VKORC1L1: variants seen among roughly 807,000 people sequenced by gnomAD.
VKORC1L1 encodes the protein vitamin K epoxide reductase complex subunit 1L1, also known as vitamin K epoxide reductase complex subunit 1-like protein 1.
In VKORC1L1, 2 loss-of-function variants were observed where a neutral mutation model predicts 18.9. The observed-to-expected ratio is 0.11, with a 90% CI of 0.04 to 0.33. The LOEUF is 0.33. Among genes scored for constraint, VKORC1L1 ranks in the 10% least tolerant of loss-of-function variants. The probability of loss-of-function intolerance (pLI) is 1.00; values close to 1 mark genes in which losing one functional copy is unlikely to be tolerated. For missense variants in VKORC1L1, 123 were observed against 224.1 expected (o/e 0.55, Z 2.88); for synonymous variants, 96 against 100.0 (o/e 0.96, Z 0.24).
At chr7:65,881,748 T>C (rs1284920381) in intron 1 of VKORC1L1, among the ~76,000 whole-genome samples, 1 of 152,200 alleles carries the variant, frequency 6.6e-6, no homozygotes. Flanking sequence ...TGTGTACTTT[T>C]TTGTAAATTC....
Position 65,954,070 on chromosome 7 carries a change from A to C in VKORC1L1, c.305-4A>C. On this transcript the variant is annotated splice_region_variant and splice_polypyrimidine_tract_variant and intron_variant, in intron 2 of 2. Transcript: ENST00000360768. Reference sequence around the variant, plus strand: ...TGACTGAGCCTGCGTCTCTTCTCTTACAGGCATGACAGCAAGCGCTGTGGC... The same window carrying C: ...TGACTGAGCCTGCGTCTCTTCTCTTCCAGGCATGACAGCAAGCGCTGTGGC... The C allele has an allele frequency of 6.3e-7, 1 of 1,590,116 alleles. No individual in the cohort carries two copies. Among genetic ancestry groups the C allele is most frequent in the East Asian group, 2.3e-5 (1 of 44,368 alleles).
intron 1 of VKORC1L1, among the ~76,000 whole-genome samples, chr7:65,888,140 G>A (rs1291324316): frequency 6.6e-6 from 1 of 152,162 alleles, no homozygotes; most frequent in Non-Finnish European, 1.5e-5. Context: ...TAGAAATTGA[G>A]AAATTACAGT....
intron 1 of VKORC1L1, among the ~76,000 whole-genome samples, chr7:65,895,447 CTGTGAG>C (rs1252556870): frequency 2.5e-5 from 2 of 78,940 alleles, no homozygotes; most frequent in Non-Finnish European, 4.4e-5. Context: ...GAAATGCCAT[CTGTGAG>C]AAAAAAAAAA....
At chr7:65,872,767 G>T (rs1788741933), upstream of VKORC1L1, among the ~76,000 whole-genome samples, 1 of 152,028 alleles carries the variant, frequency 6.6e-6, no homozygotes, top group African/African-American at 2.4e-5. Flanking sequence ...TCCAAGCATT[G>T]GCCAGGGTTG....
In VKORC1L1 at chr7:65,933,107, C is replaced by T. The variant is rs531676814; in HGVS notation, c.195-15564C>T. On this transcript the variant is annotated intron_variant, in intron 1 of 2. Transcript: ENST00000360768. The stretch of plus-strand genomic sequence containing the variant: ...AAAAAAAAAAAAAAAAAAAGTGTGT[C>T]GGCTGTTGTTGGGCAGAATATTTTG... 1.5e-3 allele frequency among the ~76,000 whole-genome samples: 219 copies of T among 144,524 alleles called. 1 individual carries two copies. The highest frequency in any genetic ancestry group is 5.3e-3 in the African/African-American group (212 of 39,666). 94.8% of individuals were successfully genotyped at this position (144,524 alleles called of 152,430 possible). A position where few individuals can be genotyped will look rare whatever the true frequency, so the allele number is the denominator to read the frequency against.
chr7:65,874,768 T>G (rs1172429598), intron 1 of VKORC1L1, among the ~76,000 whole-genome samples: 7 of 152,014 alleles, frequency 4.6e-5, no homozygotes, highest in Non-Finnish European at 1.0e-4. Flanking sequence ...ACCACACCAT[T>G]GCACCCCAGC....
chr7:65,906,844 G>T (rs1445433481), intron 1 of VKORC1L1, among the ~76,000 whole-genome samples: 1 of 152,062 alleles, frequency 6.6e-6, no homozygotes, highest in Non-Finnish European at 1.5e-5. Flanking sequence ...TTTCATTTTG[G>T]GGCCATAGGA....
chr7:65,875,487 G>C lies in VKORC1L1; in HGVS notation c.194+1922G>C, dbSNP rs531749156. The stretch of plus-strand genomic sequence containing the variant: ...GGCTGGAGTGCAGTGGTGCGATCTC[G>C]ACTCACTGCAACCTCCACCTCCCGG... On this transcript the variant is annotated intron_variant, in intron 1 of 2. Coordinates refer to ENST00000360768, the MANE Select transcript of VKORC1L1 (RefSeq NM_173517.6). Among the ~76,000 whole-genome samples, 12 of 151,892 alleles carry C rather than the reference G, an allele frequency of 7.9e-5. No homozygotes were observed. In the South Asian group the frequency reaches 1.5e-3, roughly 18 times the overall value.
chr7:65,872,915 T>G (rs55773927), upstream of VKORC1L1, among the ~76,000 whole-genome samples: 105 of 150,146 alleles, frequency 7.0e-4, no homozygotes, highest in African/African-American at 2.4e-3. Flanking sequence ...GACCGCTCCT[T>G]TAAGTCCCTC....
intron 1 of VKORC1L1, among the ~76,000 whole-genome samples, chr7:65,932,785 G>C (rs966734082): frequency 1.3e-4 from 20 of 152,118 alleles, no homozygotes; most frequent in Non-Finnish European, 2.5e-4. Flanking sequence ...GTATTTGTAA[G>C]GAATGTGTGT....
intron 1 of VKORC1L1, among the ~76,000 whole-genome samples, chr7:65,882,800 T>C (rs1788949746): frequency 6.6e-6 from 1 of 152,314 alleles, no homozygotes; most frequent in African/African-American, 2.4e-5. Context: ...TATTGTAAAG[T>C]TTTTATTTTT....
intron 1 of VKORC1L1, among the ~76,000 whole-genome samples, chr7:65,918,335 C>G (rs1187139166): frequency 6.6e-6 from 1 of 152,204 alleles, no homozygotes; most frequent in African/African-American, 2.4e-5. Flanking sequence ...ATAAAGGACA[C>G]AGAGATATGT....
chr7:65,949,314 T>A (rs1307357944), intron 2 of VKORC1L1, among the ~76,000 whole-genome samples: 1 of 151,914 alleles, frequency 6.6e-6, no homozygotes, highest in African/African-American at 2.4e-5. Flanking sequence ...ACCCTGTCTC[T>A]ACTAAAAATA....
chr7:65,907,356 A>G (rs1358554724), intron 1 of VKORC1L1, among the ~76,000 whole-genome samples: 2 of 152,158 alleles, frequency 1.3e-5, no homozygotes, highest in Non-Finnish European at 2.9e-5. Context: ...AGAATCGCTT[A>G]GAACCCGGGA....
At chr7:65,876,032 A>G (rs764596700) in intron 1 of VKORC1L1, among the ~76,000 whole-genome samples, 3 of 152,142 alleles carry the variant, frequency 2.0e-5, no homozygotes, top group Non-Finnish European at 4.4e-5. Flanking sequence ...AAAGTCCTCT[A>G]TTATTTTGGG....
intron 1 of VKORC1L1, among the ~76,000 whole-genome samples, chr7:65,884,012 G>A (rs1788972340): frequency 6.6e-6 from 1 of 152,128 alleles, no homozygotes. Flanking sequence ...GAAAATCTAT[G>A]ACAAAATCAG....
chr7:65,882,944 A>C (rs578037113), intron 1 of VKORC1L1, among the ~76,000 whole-genome samples: 2 of 152,330 alleles, frequency 1.3e-5, no homozygotes, highest in Admixed American at 6.5e-5. Context: ...CTATTTAAAA[A>C]ACACACACAA....
intron 1 of VKORC1L1, among the ~76,000 whole-genome samples, chr7:65,904,777 T>C (rs1789377189): frequency 6.6e-6 from 1 of 152,292 alleles, no homozygotes; most frequent in East Asian, 1.9e-4. Context: ...GGATCCATTA[T>C]CACATTAAAT....
intron 1 of VKORC1L1, 89 bp downstream of exon 1, chr7:65,873,654 C>A: frequency 2.0e-6 from 2 of 1,014,536 alleles, no homozygotes; most frequent in Admixed American, 5.2e-5. Flanking sequence ...GAGCTCAGGC[C>A]TGGGGGCGGC....
Sources: allele counts gnomAD v4.1 joint callset (sites outside exome capture counted in the v4.1 genomes callset), GRCh38; gene constraint gnomAD v4.1.1; transcripts MANE v1.5; gene names NCBI Gene and HGNC (gene_info 2026-07-23, HGNC 2026-07-21).